The following TLN2 variants were observed in gnomAD, a reference collection of about 807,000 sequenced individuals.
The protein encoded by TLN2 is talin-2.
In TLN2, 118 loss-of-function variants were observed where a neutral mutation model predicts 294.7. The observed-to-expected ratio is 0.40, with a 90% CI of 0.34 to 0.47. TLN2 has a LOEUF of 0.47. Among genes scored for constraint, TLN2 ranks in the 20% least tolerant of loss-of-function variants. The pLI is 0.84. For missense variants in TLN2, 3,083 were observed against 3,282.2 expected (o/e 0.94, Z 1.48); for synonymous variants, 1,431 against 1,304.5 (o/e 1.10, Z -2.09).
intron 50 of TLN2, among the ~76,000 whole-genome samples, chr15:62,805,361 C>T (rs558583683): frequency 5.9e-5 from 9 of 152,252 alleles, no homozygotes; most frequent in East Asian, 1.9e-4. Context: ...ACTCTAGATA[C>T]GTCTCCCTCA....
chr15:62,722,219 G>A, intron 25 of TLN2, 134 bp from the exon 26 acceptor site: 1 of 1,015,880 alleles, frequency 9.8e-7, no homozygotes, highest in Non-Finnish European at 1.4e-6. Flanking sequence ...GGGAATAGGG[G>A]ATGAGTTGTT....
At chr15:62,674,591 CGCCCTGTT>C (rs1320069858) in intron 10 of TLN2, among the ~76,000 whole-genome samples, 1 of 150,498 alleles carries the variant, frequency 6.6e-6, no homozygotes, top group Non-Finnish European at 1.5e-5. Context: ...TACCTCCCCC[CGCCCTGTT>C]CAAGTGATTC....
At chr15:62,569,180 C>T (rs1046865657) in intron 1 of TLN2, among the ~76,000 whole-genome samples, 17 of 152,296 alleles carry the variant, frequency 1.1e-4, no homozygotes, top group African/African-American at 3.1e-4. Flanking sequence ...GATTTAGGAC[C>T]CACCTGTGTA....
At chr15:62,441,382 C>T (rs2035536625) in intron 1 of TLN2, among the ~76,000 whole-genome samples, 1 of 152,242 alleles carries the variant, frequency 6.6e-6, no homozygotes, top group Non-Finnish European at 1.5e-5. Context: ...CAGCCACATG[C>T]AACCATGCCT....
chr15:62,485,121 G>T (rs1405027233), intron 1 of TLN2, among the ~76,000 whole-genome samples: 2 of 152,002 alleles, frequency 1.3e-5, no homozygotes, highest in Non-Finnish European at 2.9e-5. Context: ...ATCTCCCTTG[G>T]ACCACAACTG....
intron 1 of TLN2, among the ~76,000 whole-genome samples, chr15:62,563,230 C>T (rs916281312): frequency 6.6e-6 from 1 of 152,022 alleles, no homozygotes; most frequent in Admixed American, 6.5e-5. Flanking sequence ...GAAGTGCTCC[C>T]TGTTCACCGC....
chr15:62,447,651 G>T (rs775154088), intron 1 of TLN2, among the ~76,000 whole-genome samples: 1 of 151,858 alleles, frequency 6.6e-6, no homozygotes, highest in Non-Finnish European at 1.5e-5. Flanking sequence ...CCGCCACCAC[G>T]CCCGGCTAAT....
chr15:62,450,785 G>C (rs1241275778), intron 1 of TLN2, among the ~76,000 whole-genome samples: 1 of 152,006 alleles, frequency 6.6e-6, no homozygotes, highest in African/African-American at 2.4e-5. Flanking sequence ...TGCCCAGGCT[G>C]GTCTCGAACT....
chr15:62,576,479 G>T (rs1264927531), intron 1 of TLN2, among the ~76,000 whole-genome samples: 1 of 151,942 alleles, frequency 6.6e-6, no homozygotes, highest in East Asian at 1.9e-4. Flanking sequence ...CAGGTGAGTT[G>T]TATGGGGTAG....
chr15:62,515,060 A>G (rs967440891), intron 1 of TLN2, among the ~76,000 whole-genome samples: 14 of 152,212 alleles, frequency 9.2e-5, no homozygotes, highest in African/African-American at 3.4e-4. Flanking sequence ...CTTCTCTGTC[A>G]AATGAAGCTG....
intron 45 of TLN2, 154 bp downstream of exon 45, chr15:62,784,044 C>G (rs2064425091): frequency 8.5e-6 from 11 of 1,289,550 alleles, no homozygotes; most frequent in Non-Finnish European, 1.2e-5. Flanking sequence ...CAGGTCCAGA[C>G]CAGGTAGCCC....
chr15:62,822,831 C>CT (rs1303511503), intron 54 of TLN2, among the ~76,000 whole-genome samples: 2 of 152,122 alleles, frequency 1.3e-5, no homozygotes, highest in Non-Finnish European at 2.9e-5. Flanking sequence ...GATTACAACT[C>CT]TAAAAACTCA....
At chr15:62,525,871 C>G (rs1041075464) in intron 1 of TLN2, among the ~76,000 whole-genome samples, 1 of 152,164 alleles carries the variant, frequency 6.6e-6, no homozygotes, top group African/African-American at 2.4e-5. Context: ...CTGAGGAATT[C>G]TGGCAGTCTG....
intron 1 of TLN2, among the ~76,000 whole-genome samples, chr15:62,580,344 A>G (rs2044825811): frequency 6.6e-6 from 1 of 151,896 alleles, no homozygotes; most frequent in Non-Finnish European, 1.5e-5. Flanking sequence ...TATATTGACA[A>G]ATCATTACCA....
chr15:62,654,306 A>G (rs1448618090), intron 7 of TLN2, among the ~76,000 whole-genome samples: 1 of 152,088 alleles, frequency 6.6e-6, no homozygotes, highest in Non-Finnish European at 1.5e-5. Flanking sequence ...GCTTGAATAG[A>G]TTTAAATGTT....
chr15:62,611,030 C>T (rs1596335269), intron 2 of TLN2, among the ~76,000 whole-genome samples: 3 of 152,258 alleles, frequency 2.0e-5, no homozygotes, highest in Middle Eastern at 3.4e-3. Flanking sequence ...GATATTTTCC[C>T]ACCTGATGGC....
intron 1 of TLN2, among the ~76,000 whole-genome samples, chr15:62,515,120 T>C (rs1471731168): frequency 6.6e-6 from 1 of 152,220 alleles, no homozygotes; most frequent in Admixed American, 6.5e-5. Context: ...ATTTTTATTA[T>C]TTCTGTTTCT....
At chr15:62,552,136 A>G (rs1285638240) in intron 1 of TLN2, among the ~76,000 whole-genome samples, 1 of 152,208 alleles carries the variant, frequency 6.6e-6, no homozygotes, top group East Asian at 1.9e-4. Context: ...AGTTTTGACA[A>G]TCAACAGATT....
chr15:62,798,528 T>C (rs1185499842), intron 48 of TLN2, among the ~76,000 whole-genome samples: 1 of 150,604 alleles, frequency 6.6e-6, no homozygotes, highest in Non-Finnish European at 1.5e-5. Context: ...GTTCCCAGAG[T>C]GCAAAATTTA....
Sources: allele counts gnomAD v4.1 joint callset (sites outside exome capture counted in the v4.1 genomes callset), GRCh38; gene constraint gnomAD v4.1.1; transcripts MANE v1.5; gene names NCBI Gene and HGNC (gene_info 2026-07-23, HGNC 2026-07-21).